The following DCDC1 variants were observed in gnomAD, a reference collection of about 807,000 sequenced individuals.
DCDC1 encodes the protein doublecortin domain-containing protein 1.
In DCDC1, 200 loss-of-function variants were observed where a neutral mutation model predicts 178.3. That is an observed-to-expected ratio of 1.12 (90% CI 1.00 to 1.26). The LOEUF (loss-of-function observed/expected upper bound fraction) is 1.26. Among genes scored for constraint, DCDC1 ranks in the 50% most tolerant of loss-of-function variants. The pLI, the probability that DCDC1 is intolerant of heterozygous loss-of-function variation, is 0.00. For missense variants in DCDC1, 1,983 were observed against 1,749.2 expected, an observed-to-expected ratio of 1.13 and a Z score of -2.38; for synonymous variants, 690 against 604.8, an observed-to-expected ratio of 1.14 and a Z score of -2.07.
At chr11:31,120,716 C>T (rs867333705) in intron 11 of DCDC1, among the ~76,000 whole-genome samples, 2 of 152,072 alleles carry the variant, frequency 1.3e-5, no homozygotes, top group African/African-American at 4.8e-5. Context: ...TACTCATCTT[C>T]CTCTCATTCC....
chr11:30,895,821 C>T (rs1164913989), intron 34 of DCDC1, among the ~76,000 whole-genome samples: 1 of 152,128 alleles, frequency 6.6e-6, no homozygotes, highest in Non-Finnish European at 1.5e-5. Context: ...ATAGTTTTTA[C>T]CCAACTCTAT....
chr11:31,125,142 A>G (rs935356038), intron 11 of DCDC1, among the ~76,000 whole-genome samples: 2 of 152,156 alleles, frequency 1.3e-5, no homozygotes, highest in African/African-American at 4.8e-5. Context: ...CTTTAAAAAA[A>G]GACGTACATG....
chr11:30,873,695 G>C (rs1941853874), intron 38 of DCDC1, among the ~76,000 whole-genome samples: 1 of 152,134 alleles, frequency 6.6e-6, no homozygotes, highest in South Asian at 2.1e-4. Context: ...TCCTTCACAG[G>C]AGAAAGAGCA....
At chr11:31,148,225 A>C (rs1327901566) in intron 9 of DCDC1, among the ~76,000 whole-genome samples, 8 of 150,268 alleles carry the variant, frequency 5.3e-5, no homozygotes, top group Admixed American at 6.6e-5. Context: ...AAAAAAAAAA[A>C]AAAAAAAAAC....
chr11:31,138,942 CTTT>C (rs1454294645), intron 9 of DCDC1, among the ~76,000 whole-genome samples: 1 of 151,642 alleles, frequency 6.6e-6, no homozygotes, highest in African/African-American at 2.4e-5. Context: ...GCCCAGGAAT[CTTT>C]TGGTGATTCT....
chr11:31,177,384 G>C (rs1312393685), intron 9 of DCDC1, among the ~76,000 whole-genome samples: 1 of 151,276 alleles, frequency 6.6e-6, no homozygotes, highest in Non-Finnish European at 1.5e-5. Flanking sequence ...ATGCATCTTT[G>C]AATAAATAAT....
intron 17 of DCDC1, among the ~76,000 whole-genome samples, chr11:31,088,165 AT>A (rs1248050211): frequency 6.6e-6 from 1 of 151,856 alleles, no homozygotes; most frequent in Non-Finnish European, 1.5e-5. Flanking sequence ...CATTGTATAT[AT>A]TTTTCATGAA....
intron 9 of DCDC1, among the ~76,000 whole-genome samples, chr11:31,207,615 A>T (rs1972017853): frequency 6.6e-6 from 1 of 152,202 alleles, no homozygotes; most frequent in Non-Finnish European, 1.5e-5. Flanking sequence ...TTGCAATATC[A>T]GTTGTCCTCC....
chr11:31,281,236 T>A (rs1480024134), intron 7 of DCDC1, among the ~76,000 whole-genome samples: 1 of 152,128 alleles, frequency 6.6e-6, no homozygotes, highest in Admixed American at 6.6e-5. Flanking sequence ...TATACCCTTT[T>A]TACTACTTTT....
At chr11:31,260,646 G>A (rs1466852658) in intron 8 of DCDC1, among the ~76,000 whole-genome samples, 2 of 152,178 alleles carry the variant, frequency 1.3e-5, no homozygotes, top group Non-Finnish European at 2.9e-5. Context: ...CACAAAGAAC[G>A]AGGGTATGAT....
intron 36 of DCDC1, among the ~76,000 whole-genome samples, chr11:30,885,340 T>C (rs1237401418): frequency 6.6e-6 from 1 of 151,734 alleles, no homozygotes; most frequent in Non-Finnish European, 1.5e-5. Context: ...TAAAGGACTA[T>C]CTGAACATTA....
chr11:31,183,565 C>G (rs1031469629), intron 9 of DCDC1, among the ~76,000 whole-genome samples: 5 of 152,166 alleles, frequency 3.3e-5, no homozygotes, highest in African/African-American at 1.2e-4. Flanking sequence ...TCTCCTTAAG[C>G]TGATAAGCAA....
At chr11:31,238,419 C>A (rs1976708622) in intron 9 of DCDC1, among the ~76,000 whole-genome samples, 1 of 152,062 alleles carries the variant, frequency 6.6e-6, no homozygotes, top group Admixed American at 6.6e-5. Context: ...GGTAGTGCAG[C>A]CTTGTGTTTT....
intron 20 of DCDC1, among the ~76,000 whole-genome samples, chr11:30,957,349 C>A (rs1948829366): frequency 1.3e-5 from 2 of 152,280 alleles, no homozygotes; most frequent in Non-Finnish European, 1.5e-5. Flanking sequence ...TTTTCATTCT[C>A]TTCCCTTTCT....
At chr11:30,977,654 G>T (rs1226553820) in intron 20 of DCDC1, among the ~76,000 whole-genome samples, 1 of 152,120 alleles carries the variant, frequency 6.6e-6, no homozygotes, top group African/African-American at 2.4e-5. Flanking sequence ...TGCTGGCCAG[G>T]CATGGTGGCT....
chr11:30,931,765 T>C lies in DCDC1; in HGVS notation c.2897+6A>G. 6.2e-7 allele frequency: 1 copy of C among 1,607,776 alleles called. No individual in the cohort carries two copies. Among genetic ancestry groups the C allele is most frequent in the Non-Finnish European group, 8.5e-7 (1 of 1,176,820 alleles). ...TATTTAATAAGTATGAACAAGTTGT[T>C]CTTACTGCGTTTTCCGTCCAGGTGA... On this transcript the variant is annotated splice_donor_region_variant and intron_variant, in intron 22 of 38. Coordinates refer to ENST00000684477, the MANE Select transcript of DCDC1 (RefSeq NM_001387274.1).
intron 8 of DCDC1, among the ~76,000 whole-genome samples, chr11:31,242,619 ACCGGCAAAGAAAATAGGT>A (rs563061591): frequency 2.6e-5 from 4 of 151,926 alleles, no homozygotes; most frequent in South Asian, 2.1e-4. Context: ...TAAATAGATC[ACCGGCAAAGAAAATAGGT>A]CCGGCAAAGA....
chr11:31,038,152 C>T (rs1441122720), intron 20 of DCDC1, among the ~76,000 whole-genome samples: 2 of 151,724 alleles, frequency 1.3e-5, no homozygotes, highest in African/African-American at 4.8e-5. Context: ...ACCAACATGG[C>T]ACATGCATAC....
chr11:31,095,611 G>A (rs975100850), intron 15 of DCDC1, among the ~76,000 whole-genome samples: 4 of 152,146 alleles, frequency 2.6e-5, no homozygotes, highest in Admixed American at 6.6e-5. Context: ...AGAAATATGA[G>A]CTGAGACTTT....
Sources: gnomAD v4.1 joint callset for allele counts (sites outside exome capture counted in the v4.1 genomes callset) on GRCh38, gnomAD v4.1.1 for gene constraint, MANE v1.5 for transcripts, NCBI Gene and HGNC (gene_info 2026-07-23, HGNC 2026-07-21) for gene names.